Variants in GHR observed in about 807,000 individuals in gnomAD.
GHR encodes GH receptor.
Under a neutral mutation model 67.1 loss-of-function variants are expected in GHR, and 35 were observed. The observed-to-expected ratio is 0.52, with a 90% CI of 0.40 to 0.69. The LOEUF (loss-of-function observed/expected upper bound fraction) is 0.69. GHR is among the 30% of genes least tolerant of loss of function. The pLI is 0.00. For synonymous variants in GHR, 272 were observed against 269.1 expected (o/e 1.01, Z -0.10); for missense variants, 792 against 764.6 (o/e 1.04, Z -0.42).
chr5:42,563,282 A>G (rs575401525), intron 1 of GHR, among the ~76,000 whole-genome samples: 1 of 152,262 alleles, frequency 6.6e-6, no homozygotes, highest in South Asian at 2.1e-4. Flanking sequence ...TAACAAGTAA[A>G]ATTAACACAG....
At chr5:42,684,982 T>C (rs1229185707) in intron 3 of GHR, among the ~76,000 whole-genome samples, 1 of 152,120 alleles carries the variant, frequency 6.6e-6, no homozygotes, top group Non-Finnish European at 1.5e-5. Context: ...CTGGGGTACA[T>C]GTGCAGAACG....
chr5:42,564,999 G>T (rs1243969308), intron 1 of GHR, among the ~76,000 whole-genome samples: 1 of 152,212 alleles, frequency 6.6e-6, no homozygotes, highest in Non-Finnish European at 1.5e-5. Context: ...GATCCGGGAT[G>T]TGGACACCCT....
At chr5:42,495,760 G>A (rs1379834746) in intron 1 of GHR, among the ~76,000 whole-genome samples, 1 of 152,136 alleles carries the variant, frequency 6.6e-6, no homozygotes, top group Non-Finnish European at 1.5e-5. Flanking sequence ...TGGTCTAATG[G>A]AGGTGAACTC....
chr5:42,572,844 A>C (rs1035205730), intron 2 of GHR, among the ~76,000 whole-genome samples: 4 of 152,156 alleles, frequency 2.6e-5, no homozygotes, highest in African/African-American at 9.6e-5. Flanking sequence ...TTTCACTAAC[A>C]AGCAGGACAC....
At chr5:42,491,310 C>T (rs971858376) in intron 1 of GHR, among the ~76,000 whole-genome samples, 1 of 152,166 alleles carries the variant, frequency 6.6e-6, no homozygotes, top group Non-Finnish European at 1.5e-5. Flanking sequence ...ATTAAGTACT[C>T]ATACAATATA....
chr5:42,553,253 T>C (rs1749130387), intron 1 of GHR, among the ~76,000 whole-genome samples: 1 of 152,176 alleles, frequency 6.6e-6, no homozygotes, highest in African/African-American at 2.4e-5. Flanking sequence ...GAAATCAGTG[T>C]TGTTAGGGCC....
At chr5:42,585,246 A>C (rs1751413230) in intron 2 of GHR, among the ~76,000 whole-genome samples, 1 of 152,242 alleles carries the variant, frequency 6.6e-6, no homozygotes, top group African/African-American at 2.4e-5. Context: ...TCTGATACTC[A>C]GCTCAGAGGA....
chr5:42,584,577 A>G (rs1273947262), intron 2 of GHR, among the ~76,000 whole-genome samples: 1 of 152,214 alleles, frequency 6.6e-6, no homozygotes, highest in East Asian at 1.9e-4. Context: ...ATTCTGCACA[A>G]TTATTAACCC....
intron 1 of GHR, chr5:42,468,295 G>A: frequency 1.3e-6 from 2 of 1,574,280 alleles, no homozygotes; most frequent in East Asian, 4.5e-5. Context: ...TGGGCCTAGG[G>A]CCATGGCTTC....
At chr5:42,497,968 CT>C (rs1183457412) in intron 1 of GHR, among the ~76,000 whole-genome samples, 1 of 152,162 alleles carries the variant, frequency 6.6e-6, no homozygotes, top group East Asian at 1.9e-4. Flanking sequence ...TGCTTTTCCT[CT>C]TCACTTTTCC....
intron 2 of GHR, among the ~76,000 whole-genome samples, chr5:42,571,378 G>A (rs1339481791): frequency 2.6e-5 from 4 of 152,216 alleles, no homozygotes; most frequent in Non-Finnish European, 5.9e-5. Context: ...ACAAAGGTCT[G>A]AACTCCCTCC....
At chr5:42,578,747 A>G (rs1750907230) in intron 2 of GHR, among the ~76,000 whole-genome samples, 1 of 152,198 alleles carries the variant, frequency 6.6e-6, no homozygotes, top group African/African-American at 2.4e-5. Flanking sequence ...CAGGGACACT[A>G]CTGAAGTGGT....
At chr5:42,613,515 A>G (rs115263178) in intron 2 of GHR, among the ~76,000 whole-genome samples, 2,047 of 152,232 alleles carry the variant, frequency 0.013, 38 homozygotes, top group African/African-American at 0.047. Context: ...ATAATCCTCT[A>G]TACCAGGCAT....
rs766488756 is a variant in GHR, at chr5:42,719,294, C to A, written c.1787C>A (p.Thr596Asn). 1.2e-6 allele frequency: 2 copies of A among 1,614,144 alleles called. No homozygotes were observed. The highest frequency in any genetic ancestry group is 1.7e-6 in the Non-Finnish European group (2 of 1,179,996). ...PGSEMPVPDYTSIHIVQSPQG... is the reference protein window; with the variant it reads ...PGSEMPVPDYNSIHIVQSPQG... ...TCTGAGATGCCTGTCCCAGACTATA[C>A]CTCCATTCATATAGTACAGTCCCCA... The change falls in exon 10 of 10, where the codon ACC (threonine) becomes AAC (asparagine). Residue 596 changes from threonine to asparagine, a missense_variant. By Grantham distance (65) the Thr-to-Asn change is moderately conservative. Coordinates refer to ENST00000230882, the MANE Select transcript of GHR (RefSeq NM_000163.5).
At chr5:42,638,822 T>C (rs1420964149) in intron 3 of GHR, among the ~76,000 whole-genome samples, 2 of 152,038 alleles carry the variant, frequency 1.3e-5, no homozygotes, top group East Asian at 3.8e-4. Context: ...ATTAAACTGT[T>C]ACAGGGAGCA....
intron 1 of GHR, among the ~76,000 whole-genome samples, chr5:42,529,576 ATCTG>A (rs1229651461): frequency 6.6e-6 from 1 of 152,174 alleles, no homozygotes; most frequent in African/African-American, 2.4e-5. Context: ...CTAAAGGTGA[ATCTG>A]TCTGGCCAGT....
At chr5:42,641,332 G>A (rs1754466364) in intron 3 of GHR, among the ~76,000 whole-genome samples, 1 of 152,158 alleles carries the variant, frequency 6.6e-6, no homozygotes, top group Non-Finnish European at 1.5e-5. Flanking sequence ...CAGAATGTTT[G>A]TATAGGTGGG....
chr5:42,636,177 TC>T (rs1754178020), intron 3 of GHR, among the ~76,000 whole-genome samples: 1 of 124,414 alleles, frequency 8.0e-6, no homozygotes, highest in African/African-American at 3.2e-5. Flanking sequence ...ACCACTGGAC[TC>T]CAGCCTGGGC....
At chr5:42,557,596 A>G (rs1749380162) in intron 1 of GHR, among the ~76,000 whole-genome samples, 1 of 152,154 alleles carries the variant, frequency 6.6e-6, no homozygotes, top group South Asian at 2.1e-4. Context: ...TGAATATTAG[A>G]GATGAGTAAA....
Sources: allele counts gnomAD v4.1 joint callset (sites outside exome capture counted in the v4.1 genomes callset), GRCh38; gene constraint gnomAD v4.1.1; transcripts MANE v1.5; gene names NCBI Gene and HGNC (gene_info 2026-07-23, HGNC 2026-07-21).